The following SLC35F4 variants were observed in gnomAD, a reference collection of about 807,000 sequenced individuals.
SLC35F4 encodes the protein chromosome 14 open reading frame 36.
Under a neutral mutation model 44.2 loss-of-function variants are expected in SLC35F4, and 24 were observed. The ratio of observed to expected loss-of-function variants is 0.54; its 90% CI spans 0.39 to 0.76. The LOEUF is 0.76. Ranked by LOEUF, SLC35F4 falls within the 30% of genes least tolerant of loss-of-function variation. The pLI is 0.00. For missense variants in SLC35F4, 562 were observed against 586.1 expected (o/e 0.96, Z 0.42); for synonymous variants, 238 against 223.6 (o/e 1.06, Z -0.57).
At chr14:57,732,757 A>C (rs1003452338) in intron 1 of SLC35F4, among the ~76,000 whole-genome samples, 3 of 152,170 alleles carry the variant, frequency 2.0e-5, no homozygotes, top group African/African-American at 7.2e-5. Flanking sequence ...TGGAAGGAAG[A>C]TCTATCCACA....
At chr14:57,632,815 G>A (rs945761435) in intron 1 of SLC35F4, among the ~76,000 whole-genome samples, 3 of 151,970 alleles carry the variant, frequency 2.0e-5, no homozygotes, top group African/African-American at 7.2e-5. Flanking sequence ...ATAACGATAT[G>A]TATCCACCAT....
In SLC35F4 at chr14:57,695,356, C is replaced by T. The variant is rs1308117114; in HGVS notation, c.104-101232G>A. ...ACAAACAACCCCATCAAAAAGTGGG[C>T]GAAGCACATGAACAGACACTTCTCA... On this transcript the variant is annotated intron_variant, in intron 1 of 7. Coordinates refer to ENST00000556826, the MANE Select transcript of SLC35F4 (RefSeq NM_001306087.2). Among the ~76,000 whole-genome samples, 12 of 151,384 alleles carry T rather than the reference C, an allele frequency of 7.9e-5. No homozygotes were observed. In the South Asian group the frequency reaches 1.1e-3, roughly 13 times the overall value.
At chr14:57,707,427 T>C (rs1197710474) in intron 1 of SLC35F4, among the ~76,000 whole-genome samples, 1 of 152,114 alleles carries the variant, frequency 6.6e-6, no homozygotes, top group African/African-American at 2.4e-5. Context: ...GCATCTGGCA[T>C]TCCCCCTGCT....
intron 4 of SLC35F4, among the ~76,000 whole-genome samples, chr14:57,572,790 C>G (rs2068581264): frequency 6.6e-6 from 1 of 152,212 alleles, no homozygotes; most frequent in Admixed American, 6.5e-5. Flanking sequence ...ATATTCAAAA[C>G]AGGAGTCTAC....
chr14:57,678,511 A>G (rs1161801181), intron 1 of SLC35F4, among the ~76,000 whole-genome samples: 1 of 152,090 alleles, frequency 6.6e-6, no homozygotes, highest in Non-Finnish European at 1.5e-5. Flanking sequence ...TCAAATTAAC[A>G]CATAACAATA....
In SLC35F4 at chr14:57,680,481, T is replaced by G. The variant is rs370034552; in HGVS notation, c.104-86357A>C. On this transcript the variant is annotated intron_variant, in intron 1 of 7. Transcript: ENST00000556826. ...ACCGGCACAACACAAGGATGCCCTC[T>G]CTCACCACTCCTATTCAACATATTG... 2.6e-5 allele frequency among the ~76,000 whole-genome samples: 4 copies of G among 152,152 alleles called. No individual in the cohort carries two copies. The East Asian group carries it at 5.8e-4, about 22-fold the overall frequency.
intron 4 of SLC35F4, 24 bp downstream of exon 4, chr14:57,581,190 G>A (rs369250428): frequency 5.0e-5 from 75 of 1,490,180 alleles, no homozygotes; most frequent in Admixed American, 1.9e-4. Flanking sequence ...CAGGCATCGC[G>A]CATTGAATCA....
chr14:57,712,295 G>GT (rs35196988), intron 1 of SLC35F4, among the ~76,000 whole-genome samples: 74,011 of 151,970 alleles, frequency 0.49, 18,511 homozygotes, highest in Non-Finnish European at 0.55. Context: ...TGCCTACACA[G>GT]TATGAGGTTG....
intron 1 of SLC35F4, among the ~76,000 whole-genome samples, chr14:57,864,690 G>A (rs1414631027): frequency 6.6e-6 from 1 of 152,212 alleles, no homozygotes; most frequent in African/African-American, 2.4e-5. Flanking sequence ...GCATCTAGGA[G>A]CTTCCAAGCT....
chr14:57,893,141 G>A (rs1448024474), intron 1 of SLC35F4, among the ~76,000 whole-genome samples: 1 of 152,052 alleles, frequency 6.6e-6, no homozygotes, highest in Non-Finnish European at 1.5e-5. Context: ...TCTATGGAAG[G>A]CCAACAGGGA....
chr14:57,768,983 C>A (rs1342975150), intron 1 of SLC35F4, among the ~76,000 whole-genome samples: 3 of 152,086 alleles, frequency 2.0e-5, no homozygotes, highest in Non-Finnish European at 4.4e-5. Flanking sequence ...AAACTCCCAA[C>A]CTCAACTGAT....
Position 57,607,870 on chromosome 14 carries a change from A to G in SLC35F4, c.104-13746T>C, listed in dbSNP as rs555053371. Among the ~76,000 whole-genome samples, 8 of 152,336 alleles carry G rather than the reference A, an allele frequency of 5.3e-5. No homozygotes were observed. In the East Asian group the frequency reaches 1.3e-3, roughly 26 times the overall value. ...ACAGTATCGCAGAGATGGAATGGAT[A>G]TAAATTGGTAAATAATTGAACATGG... On this transcript the variant is annotated intron_variant, in intron 1 of 7. Coordinates refer to ENST00000556826, the MANE Select transcript of SLC35F4 (RefSeq NM_001306087.2).
At chr14:57,620,723 T>C (rs1280997364) in intron 1 of SLC35F4, among the ~76,000 whole-genome samples, 1 of 152,174 alleles carries the variant, frequency 6.6e-6, no homozygotes, top group Non-Finnish European at 1.5e-5. Flanking sequence ...TTGAGAGTTT[T>C]TAGCATGAAG....
intron 1 of SLC35F4, among the ~76,000 whole-genome samples, chr14:57,907,590 A>G (rs1386990801): frequency 6.6e-6 from 1 of 151,758 alleles, no homozygotes; most frequent in Non-Finnish European, 1.5e-5. Context: ...CAATCCCTAT[A>G]CTCCTTATTT....
intron 1 of SLC35F4, among the ~76,000 whole-genome samples, chr14:57,754,028 G>A (rs764476461): frequency 6.6e-6 from 1 of 150,754 alleles, no homozygotes; most frequent in Non-Finnish European, 1.5e-5. Context: ...CAATTACCAG[G>A]ACAATAGGAA....
chr14:57,874,605 G>A (rs148217151), intron 1 of SLC35F4, among the ~76,000 whole-genome samples: 13 of 152,288 alleles, frequency 8.5e-5, no homozygotes, highest in African/African-American at 2.4e-4. Context: ...TGAGTCTCTG[G>A]AAGCCCTTCT....
intron 1 of SLC35F4, among the ~76,000 whole-genome samples, chr14:57,599,979 A>T (rs2070720223): frequency 6.6e-6 from 1 of 152,148 alleles, no homozygotes; most frequent in Non-Finnish European, 1.5e-5. Flanking sequence ...CCAGGAGATA[A>T]GACAGCCTCT....
At chr14:57,894,121 A>G (rs571367929) in intron 1 of SLC35F4, among the ~76,000 whole-genome samples, 1 of 152,234 alleles carries the variant, frequency 6.6e-6, no homozygotes, top group South Asian at 2.1e-4. Flanking sequence ...CTCCTATTAA[A>G]CAAGCTCAAA....
intron 1 of SLC35F4, among the ~76,000 whole-genome samples, chr14:57,892,655 C>CT (rs35191220): frequency 0.13 from 20,445 of 152,014 alleles, 1,542 homozygotes; most frequent in Middle Eastern, 0.2. Context: ...ATGGATTATA[C>CT]TTTTTTTTGT....
Sources: gnomAD v4.1 joint callset for allele counts (sites outside exome capture counted in the v4.1 genomes callset) on GRCh38, gnomAD v4.1.1 for gene constraint, MANE v1.5 for transcripts, NCBI Gene and HGNC (gene_info 2026-07-23, HGNC 2026-07-21) for gene names.